RRP8: variants seen among roughly 807,000 people sequenced by gnomAD.
The protein encoded by RRP8 is ribosomal RNA-processing protein 8.
A neutral mutation model predicts 45.0 loss-of-function variants in RRP8; 48 were observed. The ratio of observed to expected loss-of-function variants is 1.07; its 90% CI spans 0.85 to 1.36. The LOEUF is 1.36. Among genes scored for constraint, RRP8 ranks in the 40% most tolerant of loss-of-function variants. RRP8 has a pLI of 0.00. For synonymous variants in RRP8, 274 were observed against 212.4 expected (o/e 1.29, Z -2.52); for missense variants, 658 against 573.7 (o/e 1.15, Z -1.50).
Position 6,600,042 on chromosome 11 carries a change from C to T in RRP8, c.*104G>A. ...TTTTATCACACTTTGTCCTCAGGGTCCACCAGGAACCAGGTCTTGGCTCAC... is the reference window on the plus strand; with the variant it reads ...TTTTATCACACTTTGTCCTCAGGGTTCACCAGGAACCAGGTCTTGGCTCAC... On this transcript the variant is annotated 3_prime_UTR_variant, in exon 7 of 7. Coordinates refer to ENST00000254605, the MANE Select transcript of RRP8 (RefSeq NM_015324.4). The T allele has an allele frequency of 1.4e-6, 1 of 698,502 alleles. No individual in the cohort carries two copies. The highest frequency in any genetic ancestry group is 2.3e-6 in the Non-Finnish European group (1 of 431,422). The allele number at this position is 698,502 out of a possible 1,614,324, so 43.3% of individuals were successfully genotyped here. A position where few individuals can be genotyped will look rare whatever the true frequency, so the allele number is the denominator to read the frequency against.
chr11:6,601,759 TA>T lies in RRP8; in HGVS notation c.463+92del, dbSNP rs1564836252. ...CTGAGTACACCATTAGCCCCAATCC[TA>T]ATGGCAGTGGATAATCACTCTTGTA... On this transcript the variant is annotated intron_variant, in intron 2 of 6. Transcript: ENST00000254605. The T allele has an allele frequency of 4.6e-5, 69 of 1,491,726 alleles. No individual in the cohort carries two copies. In the South Asian group the frequency reaches 9.0e-4, roughly 19 times the overall value. The allele number at this position is 1,491,726 out of a possible 1,614,324, so 92.4% of individuals were successfully genotyped here. A position where few individuals can be genotyped will look rare whatever the true frequency, so the allele number is the denominator to read the frequency against.
rs1854230053 is a variant in RRP8, at chr11:6,596,425, GA to G, written c.*3720del. ...GCCTGGGCAAGATCACACGGGGCCT[GA>G]AAAGTTTGTCTTTTGTTCTCGAGGC... is the stretch of plus-strand genomic sequence containing the variant. On this transcript the variant is annotated 3_prime_UTR_variant, in exon 7 of 7. Transcript: ENST00000254605. 1 of 152,396 alleles carries G rather than the reference GA, an allele frequency of 6.6e-6. No individual in the cohort carries two copies. The highest frequency in any genetic ancestry group is 1.5e-5 in the Non-Finnish European group (1 of 68,038). 9.4% of individuals were successfully genotyped at this position (152,396 alleles called of 1,614,324 possible).
chr11:6,600,706 C>G lies in RRP8; in HGVS notation c.1117G>C (p.Asp373His). The G allele has an allele frequency of 1.2e-6, 2 of 1,614,146 alleles. No individual in the cohort carries two copies. Among genetic ancestry groups the G allele is most frequent in the Non-Finnish European group, 1.7e-6 (2 of 1,180,014 alleles). The change falls in exon 5 of 7, where the codon GAC becomes CAC. Residue 373 changes from aspartate (D) to histidine (H), a missense_variant. Coordinates refer to ENST00000254605, the MANE Select transcript of RRP8 (RefSeq NM_015324.4). ...CLSLMGTNIR[D>H]FLEEANRVLK... Reference sequence around the variant, plus strand: ...ACTCTATTTGCCTCCTCTAGGAAGTCCCTGATGTTGGTTCCCATCAGTGAA... The same window carrying G: ...ACTCTATTTGCCTCCTCTAGGAAGTGCCTGATGTTGGTTCCCATCAGTGAA...
chr11:6,600,789 G>A lies in RRP8; in HGVS notation c.1048-14C>T, dbSNP rs181419546. The A allele has an allele frequency of 1.2e-6, 2 of 1,612,408 alleles. No homozygotes were observed. The highest frequency in any genetic ancestry group is 1.1e-5 in the South Asian group (1 of 91,028). ...CTCCAGAGGAACCTGTGGAGAGTGA[G>A]AGTGTTGTATAAGGCACACAGTGCA... On this transcript the variant is annotated splice_polypyrimidine_tract_variant and intron_variant, in intron 4 of 6. Coordinates refer to ENST00000254605, the MANE Select transcript of RRP8 (RefSeq NM_015324.4).
Position 6,601,936 on chromosome 11 carries a change from C to A in RRP8, c.379G>T (p.Ala127Ser). The change falls in exon 2 of 7, where the codon GCT becomes TCT. Residue 127 changes from alanine (A) to serine (S), a missense_variant. By Grantham distance (99) the Ala-to-Ser change is moderately conservative (BLOSUM62 1). Transcript: ENST00000254605. ...HKQALVGSDS[A>S]EDEKRKRKCQ... ...TTCCTCTTTCTTTTCTCATCTTCAG[C>A]AGAGTCACTGCCAACAAGAGCCTGT... 1 of 1,614,212 alleles carries A rather than the reference C, an allele frequency of 6.2e-7. No individual in the cohort carries two copies. The highest frequency in any genetic ancestry group is 8.5e-7 in the Non-Finnish European group (1 of 1,180,044).
rs570205420 is a variant in RRP8, at chr11:6,601,805, C to G, written c.463+47G>C. The stretch of plus-strand genomic sequence containing the variant: ...CTTGTATGTAGAACCAGCTGACCCC[C>G]CGACACACACACACCAACACACACA... On this transcript the variant is annotated intron_variant, in intron 2 of 6. Transcript: ENST00000254605. The G allele has an allele frequency of 1.0e-5, 16 of 1,536,832 alleles. No individual in the cohort carries two copies. In the South Asian group the frequency reaches 1.7e-4, roughly 17 times the overall value.
Position 6,597,677 on chromosome 11 carries a change from G to A in RRP8, c.*2469C>T, listed in dbSNP as rs1015091405. The A allele has an allele frequency of 1.3e-5, 2 of 151,430 alleles. No individual in the cohort carries two copies. The highest frequency in any genetic ancestry group is 2.9e-5 in the Non-Finnish European group (2 of 68,026). 9.4% of individuals were successfully genotyped at this position (151,430 alleles called of 1,614,324 possible). ...AGGCCGAGGCAGGCCGATCACTCGA[G>A]GTCAGGAGTTCGAGACCAGCCTGGC... is the stretch of plus-strand genomic sequence containing the variant. On this transcript the variant is annotated 3_prime_UTR_variant, in exon 7 of 7. Transcript: ENST00000254605.
chr11:6,601,591 A>G lies in RRP8; in HGVS notation c.475T>C (p.Trp159Arg), dbSNP rs1243227630. ...GGATCATTTGTAGTACTACCCTTCC[A>G]GGCTTTGGGACCTACAGGGAGGGAG... ...DNVDQTGPKA[W>R]KGSTTNDPPK... The change falls in exon 3 of 7, where the codon TGG becomes CGG. Residue 159 changes from tryptophan to arginine, a missense_variant. Physicochemically the swap from Trp to Arg is moderately radical, Grantham distance 101. Coordinates refer to ENST00000254605, the MANE Select transcript of RRP8 (RefSeq NM_015324.4). The G allele has an allele frequency of 1.3e-6, 2 of 1,599,892 alleles. No individual in the cohort carries two copies. The highest frequency in any genetic ancestry group is 3.3e-5 in the Admixed American group (2 of 59,870).
At chr11:6,602,355 A>T in intron 1 of RRP8, 140 bp from the exon 2 acceptor site, 1 of 1,012,402 alleles carries the variant, frequency 9.9e-7, no homozygotes, top group South Asian at 2.3e-5. Context: ...AACCCAGAAG[A>T]ACTTTTATGT....
At chr11:6,603,106 G>A (rs1854482965) in intron 1 of RRP8, among the ~76,000 whole-genome samples, 1 of 152,156 alleles carries the variant, frequency 6.6e-6, no homozygotes, top group Admixed American at 6.5e-5. Flanking sequence ...CATTTACTAT[G>A]TATTTCAACC....
Position 6,601,446 on chromosome 11 carries a change from A to C in RRP8, c.620T>G (p.Val207Gly). The change falls in exon 3 of 7, where the codon GTG (valine) becomes GGG (glycine). Residue 207 changes from valine to glycine, a missense_variant. Val to Gly is a moderately radical substitution (Grantham distance 109). Transcript: ENST00000254605. ...GGCCTCAGCTGGGGCCTGGTCTGGC[A>C]CCTGAGGTGGCTGAAACTTGTTCTT... ...RCKNKFQPPQ[V>G]PDQAPAEAPT... The C allele has an allele frequency of 6.2e-7, 1 of 1,614,040 alleles. No individual in the cohort carries two copies. Among genetic ancestry groups the C allele is most frequent in the Non-Finnish European group, 8.5e-7 (1 of 1,180,022 alleles).
Position 6,600,064 on chromosome 11 carries a change from T to C in RRP8, c.*82A>G, listed in dbSNP as rs1239212610. The C allele has an allele frequency of 6.4e-6, 6 of 944,488 alleles. No homozygotes were observed. The highest frequency in any genetic ancestry group is 9.3e-6 in the Non-Finnish European group (6 of 646,724). 58.5% of individuals were successfully genotyped at this position (944,488 alleles called of 1,614,324 possible). A position where few individuals can be genotyped will look rare whatever the true frequency, so the allele number is the denominator to read the frequency against. On this transcript the variant is annotated 3_prime_UTR_variant, in exon 7 of 7. Coordinates refer to ENST00000254605, the MANE Select transcript of RRP8 (RefSeq NM_015324.4). ...GGTCCACCAGGAACCAGGTCTTGGCTCACAGCCAGGCTGGAAACAGTCTTC... is the reference window on the plus strand; with the variant it reads ...GGTCCACCAGGAACCAGGTCTTGGCCCACAGCCAGGCTGGAAACAGTCTTC...
In RRP8 at chr11:6,599,980, C is replaced by G. The variant is rs1236821697; in HGVS notation, c.*166G>C. 2.2e-6 allele frequency: 1 copy of G among 450,244 alleles called. No homozygotes were observed. The highest frequency in any genetic ancestry group is 3.9e-6 in the Non-Finnish European group (1 of 254,912). The allele number at this position is 450,244 out of a possible 1,614,324, so 27.9% of individuals were successfully genotyped here. A position where few individuals can be genotyped will look rare whatever the true frequency, so the allele number is the denominator to read the frequency against. On this transcript the variant is annotated 3_prime_UTR_variant, in exon 7 of 7. Transcript: ENST00000254605. ...CCCAGTGACTTTATGCATCTTATAA[C>G]CAAGAAGCCTTCAGTAGAGCAAGTC...
At chr11:6,602,487 C>T (rs1366557109) in intron 1 of RRP8, among the ~76,000 whole-genome samples, 1 of 152,162 alleles carries the variant, frequency 6.6e-6, no homozygotes, top group Admixed American at 6.5e-5. Flanking sequence ...AGCAACAAGA[C>T]CAAGGCCAGA....
At chr11:6,600,435 G>A in intron 6 of RRP8, 51 bp downstream of exon 6, 6 of 1,550,096 alleles carry the variant, frequency 3.9e-6, no homozygotes, top group Non-Finnish European at 5.3e-6. Context: ...CCAGTACCCT[G>A]AATAGGGCCA....
chr11:6,602,388 C>G (rs1854430580), intron 1 of RRP8, 173 bp from the exon 2 acceptor site: 2 of 667,616 alleles, frequency 3.0e-6, no homozygotes, highest in African/African-American at 1.8e-5. Context: ...TTCTGGGAAG[C>G]TGGAGAGCAG....
Position 6,603,455 on chromosome 11 carries a change from G to A in RRP8, c.48C>T (p.Gly16=), listed in dbSNP as rs1854510768. 1 of 1,603,844 alleles carries A rather than the reference G, an allele frequency of 6.2e-7. No homozygotes were observed. The highest frequency in any genetic ancestry group is 1.1e-5 in the South Asian group (1 of 89,356). ...EWAEAAPVAA[G]LGPVISRPPP... is the part of the protein sequence containing the mutation. ...GAGGTCGTGAGATTACGGGCCCAAGGCCCGCGGCTACTGGGGCCGCCTCGG... is the reference window on the plus strand; with the variant it reads ...GAGGTCGTGAGATTACGGGCCCAAGACCCGCGGCTACTGGGGCCGCCTCGG... Residue 16 remains glycine, a synonymous_variant, in exon 1 of 7, where the codon GGC becomes GGT. Transcript: ENST00000254605.
At position 6,601,676 on chromosome 11, in the gene RRP8, G is replaced by A. The variant is rs140419224; in HGVS notation, c.464-74C>T. On this transcript the variant is annotated intron_variant, in intron 2 of 6. Transcript: ENST00000254605. ...TTCGGAGTCACGGCAAGTCATCCCA[G>A]CCATACCTCTGTCTTTGAGATCGTG... The A allele has an allele frequency of 4.1e-3, 6,163 of 1,508,718 alleles. 23 individuals carry two copies. The highest frequency in any genetic ancestry group is 0.019 in the Middle Eastern group (108 of 5,622). The allele number at this position is 1,508,718 out of a possible 1,614,324, so 93.5% of individuals were successfully genotyped here. A position where few individuals can be genotyped will look rare whatever the true frequency, so the allele number is the denominator to read the frequency against.
chr11:6,600,184 C>CT lies in RRP8; in HGVS notation c.1332dup (p.Gly445ArgfsTer65), dbSNP rs1437942860. 6.2e-7 allele frequency: 1 copy of CT among 1,603,858 alleles called. No homozygotes were observed. The highest frequency in any genetic ancestry group is 1.8e-5 in the Admixed American group (1 of 56,974). ...TAGAGACATGGCTGAAGCTGCAGGC[C>CT]TGAAAGCTGAGCCTTGGGCCCTACC... On this transcript the variant is annotated frameshift_variant, in exon 7 of 7. Transcript: ENST00000254605. LOFTEE classifies it high-confidence loss of function.
Sources: allele counts gnomAD v4.1 joint callset (sites outside exome capture counted in the v4.1 genomes callset), GRCh38; gene constraint gnomAD v4.1.1; transcripts MANE v1.5; gene names NCBI Gene and HGNC (gene_info 2026-07-23, HGNC 2026-07-21).